The following PTPRN2 variants were observed in gnomAD, a reference collection of about 807,000 sequenced individuals.
The protein encoded by PTPRN2 is receptor-type tyrosine-protein phosphatase N2.
PTPRN2 carries 74 observed loss-of-function variants against 118.8 expected under a neutral mutation model. The observed-to-expected ratio is 0.62, with a 90% CI of 0.52 to 0.76. PTPRN2 has a LOEUF of 0.76. Ranked by LOEUF, PTPRN2 falls within the 30% of genes least tolerant of loss-of-function variation. The probability of loss-of-function intolerance (pLI) is 0.00; values close to 1 mark genes in which losing one functional copy is unlikely to be tolerated. For missense variants in PTPRN2, 1,481 were observed against 1,394.4 expected, an observed-to-expected ratio of 1.06 and a Z score of -0.99; for synonymous variants, 641 against 608.0, an observed-to-expected ratio of 1.05 and a Z score of -0.80.
At chr7:158,397,262 G>A (rs1397441039) in intron 2 of PTPRN2, among the ~76,000 whole-genome samples, 1 of 152,208 alleles carries the variant, frequency 6.6e-6, no homozygotes, top group African/African-American at 2.4e-5. Flanking sequence ...ACAGGGGCTT[G>A]TGCCCAATGT....
chr7:158,163,743 T>C (rs1453587056), intron 6 of PTPRN2, among the ~76,000 whole-genome samples: 6 of 150,190 alleles, frequency 4.0e-5, no homozygotes, highest in Non-Finnish European at 7.4e-5. Flanking sequence ...GGGTTCTCAA[T>C]TCTATTTCAT....
intron 12 of PTPRN2, among the ~76,000 whole-genome samples, chr7:157,892,846 A>C (rs1011350275): frequency 5.3e-5 from 8 of 152,174 alleles, no homozygotes; most frequent in Non-Finnish European, 8.8e-5. Context: ...TCCATCACAG[A>C]GCTCCCATTC....
chr7:158,116,740 C>T (rs757669254), intron 9 of PTPRN2, among the ~76,000 whole-genome samples: 1 of 152,180 alleles, frequency 6.6e-6, no homozygotes, highest in African/African-American at 2.4e-5. Context: ...ATTTTTCCCA[C>T]CTTCATTTTT....
intron 13 of PTPRN2, among the ~76,000 whole-genome samples, chr7:157,662,213 G>A (rs189087724): frequency 6.6e-6 from 1 of 152,332 alleles, no homozygotes; most frequent in East Asian, 1.9e-4. Flanking sequence ...TCACCGCTGG[G>A]AGGATTAAAT....
rs549789963 is a variant in PTPRN2, at chr7:157,785,394, G to T, written c.1789-102457C>A. ...GGTGCTCCAAAACGAAATCGCCCCCGAGGATGAAAGGGGGTGGTGGAAAAG... is the reference window on the plus strand; with the variant it reads ...GGTGCTCCAAAACGAAATCGCCCCCTAGGATGAAAGGGGGTGGTGGAAAAG... On this transcript the variant is annotated intron_variant, in intron 12 of 22. Coordinates refer to ENST00000389418, the MANE Select transcript of PTPRN2 (RefSeq NM_002847.5). The surrounding 1 kb of genome is among the most constrained non-coding windows in gnomAD (Gnocchi z 7.3). Among the ~76,000 whole-genome samples the T allele has an allele frequency of 6.6e-6, 1 of 152,180 alleles. No homozygotes were observed. The highest frequency in any genetic ancestry group is 1.9e-4 in the East Asian group (1 of 5,164).
chr7:158,566,903 A>C (rs1827704301), intron 1 of PTPRN2, among the ~76,000 whole-genome samples: 1 of 152,028 alleles, frequency 6.6e-6, no homozygotes, highest in African/African-American at 2.4e-5. Context: ...TTTAGTAGAG[A>C]TGGTTTCACC....
intron 14 of PTPRN2, among the ~76,000 whole-genome samples, chr7:157,630,603 C>A (rs1803883826): frequency 6.6e-6 from 1 of 152,186 alleles, no homozygotes; most frequent in African/African-American, 2.4e-5. Context: ...AAACAAGCAA[C>A]TTGAGATGCA....
rs1801806107 is a variant in PTPRN2, at chr7:157,964,863, G to C, written c.1724-66126C>G. On this transcript the variant is annotated intron_variant, in intron 11 of 22. Transcript: ENST00000389418. This position sits in a 1 kb window ranked among gnomAD's most constrained non-coding sequence, Gnocchi z 9.0. ...CTTGCCCCAATTTCTCCACCGCACA[G>C]ACTCGCCAGGGCTTTGGTTTGTGAG... Among the ~76,000 whole-genome samples, 1 of 152,204 alleles carries C rather than the reference G, an allele frequency of 6.6e-6. No individual in the cohort carries two copies. Among genetic ancestry groups the C allele is most frequent in the Non-Finnish European group, 1.5e-5 (1 of 68,034 alleles).
intron 3 of PTPRN2, among the ~76,000 whole-genome samples, chr7:158,312,981 CATGTGTGT>C (rs1801987345): frequency 6.6e-6 from 1 of 151,230 alleles, no homozygotes; most frequent in Admixed American, 6.6e-5. Context: ...TACATGTGAG[CATGTGTGT>C]GTGCAGGTGA....
intron 2 of PTPRN2, among the ~76,000 whole-genome samples, chr7:158,364,662 AG>A (rs56271132): frequency 0.07 from 10,610 of 152,248 alleles, 547 homozygotes; most frequent in Non-Finnish European, 0.11. Context: ...TCTCCGTCCC[AG>A]CCCCAGATCC....
chr7:158,048,313 A>G (rs995325067), intron 11 of PTPRN2, among the ~76,000 whole-genome samples: 4 of 152,112 alleles, frequency 2.6e-5, no homozygotes, highest in African/African-American at 9.7e-5. Flanking sequence ...AAAGTCCTAC[A>G]TGCATCTATA....
At chr7:157,925,556 C>T (rs1057221678) in intron 11 of PTPRN2, among the ~76,000 whole-genome samples, 6 of 152,214 alleles carry the variant, frequency 3.9e-5, no homozygotes, top group Admixed American at 1.3e-4. Context: ...TGGCTGCAGG[C>T]AAACACTGCC....
chr7:158,149,677 G>A (rs946626975), intron 6 of PTPRN2, among the ~76,000 whole-genome samples: 5 of 152,070 alleles, frequency 3.3e-5, no homozygotes, highest in Non-Finnish European at 5.9e-5. Context: ...GGTGGCGCAT[G>A]CCTGTAGTCC....
intron 12 of PTPRN2, among the ~76,000 whole-genome samples, chr7:157,754,883 T>C (rs573215279): frequency 2.0e-5 from 3 of 152,214 alleles, no homozygotes; most frequent in East Asian, 3.9e-4. Context: ...TAGATTATAA[T>C]GCTTTTGTTG....
intron 1 of PTPRN2, among the ~76,000 whole-genome samples, chr7:158,540,669 G>A (rs560095960): frequency 6.6e-6 from 1 of 152,214 alleles, no homozygotes; most frequent in African/African-American, 2.4e-5. Flanking sequence ...TCGGGCAGGG[G>A]TGGGGTCGCC....
chr7:158,219,982 A>G (rs1412929617), intron 3 of PTPRN2, among the ~76,000 whole-genome samples: 1 of 152,058 alleles, frequency 6.6e-6, no homozygotes, highest in Non-Finnish European at 1.5e-5. Context: ...TACTAAAATT[A>G]CTTCAAAAAA....
chr7:157,724,234 AC>A (rs1237266071), intron 12 of PTPRN2, among the ~76,000 whole-genome samples: 3 of 152,124 alleles, frequency 2.0e-5, no homozygotes, highest in Non-Finnish European at 4.4e-5. Flanking sequence ...CATTTAGGCT[AC>A]CCCCACCTGA....
At chr7:157,751,251 G>C (rs191974056) in intron 12 of PTPRN2, among the ~76,000 whole-genome samples, 1 of 152,190 alleles carries the variant, frequency 6.6e-6, no homozygotes, top group South Asian at 2.1e-4. Flanking sequence ...GCAATATCCC[G>C]AGGAGAGAGA....
chr7:157,748,664 C>T (rs1311510060), intron 12 of PTPRN2, among the ~76,000 whole-genome samples: 1 of 108,622 alleles, frequency 9.2e-6, no homozygotes, highest in East Asian at 2.9e-4. Flanking sequence ...GTGGGCTGTT[C>T]AGGTGATTGT....
Sources: allele counts gnomAD v4.1 joint callset (sites outside exome capture counted in the v4.1 genomes callset), GRCh38; gene constraint gnomAD v4.1.1; non-coding constraint Gnocchi (gnomAD v3.1); transcripts MANE v1.5; gene names NCBI Gene and HGNC (gene_info 2026-07-23, HGNC 2026-07-21).